Variants in MAPKAP1 observed in about 807,000 individuals in gnomAD.
The protein encoded by MAPKAP1 is target of rapamycin complex 2 subunit MAPKAP1.
A neutral mutation model predicts 65.7 loss-of-function variants in MAPKAP1; 20 were observed. The observed-to-expected ratio is 0.30, with a 90% CI of 0.21 to 0.44. The LOEUF is 0.44. MAPKAP1 is among the 20% of genes least tolerant of loss of function. MAPKAP1 has a pLI of 1.00. For synonymous variants in MAPKAP1, 222 were observed against 244.3 expected (o/e 0.91, Z 0.85); for missense variants, 423 against 648.0 (o/e 0.65, Z 3.77).
intron 10 of MAPKAP1, among the ~76,000 whole-genome samples, chr9:125,463,469 T>C (rs527243462): frequency 6.6e-6 from 1 of 152,358 alleles, no homozygotes; most frequent in African/African-American, 2.4e-5. Flanking sequence ...CAAGTACTTA[T>C]GAAAAGAAAG....
At chr9:125,511,277 G>A (rs998075558) in intron 7 of MAPKAP1, among the ~76,000 whole-genome samples, 1 of 152,134 alleles carries the variant, frequency 6.6e-6, no homozygotes, top group African/African-American at 2.4e-5. Context: ...CCTACTATGT[G>A]ACAAGTGCTG....
intron 1 of MAPKAP1, among the ~76,000 whole-genome samples, chr9:125,701,255 A>AT (rs71492454): frequency 5.3e-5 from 8 of 152,186 alleles, no homozygotes; most frequent in East Asian, 1.9e-4. Flanking sequence ...GGAAAATGTT[A>AT]TTTTTTTGAA....
At chr9:125,706,874 G>T (rs1835779769) in intron 1 of MAPKAP1, 97 bp downstream of exon 1, 1 of 370,888 alleles carries the variant, frequency 2.7e-6, no homozygotes. Flanking sequence ...GCGGCCCGCC[G>T]GGCAGCGCTG....
chr9:125,639,237 T>C (rs762384887), intron 4 of MAPKAP1, among the ~76,000 whole-genome samples: 21 of 151,990 alleles, frequency 1.4e-4, no homozygotes, highest in Admixed American at 1.3e-4. Flanking sequence ...AGAGACTCCA[T>C]CTCAAAAAAA....
At position 125,610,558 on chromosome 9, in the gene MAPKAP1, G is replaced by A. The variant is rs1589338734; in HGVS notation, c.499-24831C>T. Among the ~76,000 whole-genome samples the A allele has an allele frequency of 1.3e-5, 2 of 152,102 alleles. 1 individual carries two copies. Among genetic ancestry groups the A allele is most frequent in the South Asian group, 4.1e-4 (2 of 4,826 alleles). On this transcript the variant is annotated intron_variant, in intron 4 of 11. Transcript: ENST00000265960. ...TCTATCTATAACCTATAATAAGACC[G>A]TGATACCCTCCTCACAACCCACCAC...
chr9:125,460,523 A>G (rs1853455442), intron 10 of MAPKAP1, among the ~76,000 whole-genome samples: 1 of 152,204 alleles, frequency 6.6e-6, no homozygotes, highest in Non-Finnish European at 1.5e-5. Context: ...AACGTCCCCT[A>G]TGAGCAACTC....
At chr9:125,444,656 T>G in intron 10 of MAPKAP1, 58 bp from the exon 11 acceptor site, 1 of 1,163,696 alleles carries the variant, frequency 8.6e-7, no homozygotes, top group Non-Finnish European at 1.3e-6. Context: ...GGCGGGGGCC[T>G]CCATATGTTC....
intron 3 of MAPKAP1, among the ~76,000 whole-genome samples, chr9:125,660,410 C>T (rs1834150501): frequency 6.6e-6 from 1 of 152,124 alleles, no homozygotes; most frequent in Non-Finnish European, 1.5e-5. Context: ...CTGTACATTT[C>T]ACCGAATGTA....
intron 9 of MAPKAP1, among the ~76,000 whole-genome samples, chr9:125,474,130 AG>A (rs1854022272): frequency 6.6e-6 from 1 of 152,142 alleles, no homozygotes; most frequent in African/African-American, 2.4e-5. Flanking sequence ...AGCCACGAGA[AG>A]GAGGTGAATA....
At chr9:125,705,024 T>G (rs1047455226) in intron 1 of MAPKAP1, among the ~76,000 whole-genome samples, 1 of 152,218 alleles carries the variant, frequency 6.6e-6, no homozygotes, top group African/African-American at 2.4e-5. Flanking sequence ...TTCTATAGAC[T>G]GTCTTCTCTG....
At chr9:125,503,193 T>A (rs1829035839) in intron 8 of MAPKAP1, among the ~76,000 whole-genome samples, 1 of 152,220 alleles carries the variant, frequency 6.6e-6, no homozygotes, top group Admixed American at 6.5e-5. Context: ...CTACTACTAC[T>A]AAAGCCTTTA....
At chr9:125,538,614 G>A (rs186659891) in intron 7 of MAPKAP1, among the ~76,000 whole-genome samples, 1 of 152,114 alleles carries the variant, frequency 6.6e-6, no homozygotes, top group East Asian at 1.9e-4. Flanking sequence ...AATATGGTAA[G>A]CCACTGCTTT....
intron 4 of MAPKAP1, among the ~76,000 whole-genome samples, chr9:125,619,131 TCAAAAACA>T (rs1346487042): frequency 6.6e-6 from 1 of 152,058 alleles, no homozygotes; most frequent in Admixed American, 6.6e-5. Flanking sequence ...AGACCCTATC[TCAAAAACA>T]CAAAAACAAA....
rs1853747460 is a variant in MAPKAP1, at chr9:125,468,069, A to G, written c.1248T>C (p.Asn416=). 6.2e-7 allele frequency: 1 copy of G among 1,614,228 alleles called. No homozygotes were observed. The highest frequency in any genetic ancestry group is 1.3e-5 in the African/African-American group (1 of 75,072). Residue 416 remains asparagine, a synonymous_variant, in exon 10 of 12, where the codon AAT becomes AAC. Transcript: ENST00000265960. ...GDKVEIDPVT[N]QKASTKFWIK... ...TCCAAAACTTAGTGCTGGCTTTCTG[A>G]TTCGTAACAGGGTCTATCTCTACTT...
At chr9:125,524,243 TACC>T (rs1383671939) in intron 7 of MAPKAP1, among the ~76,000 whole-genome samples, 1 of 152,184 alleles carries the variant, frequency 6.6e-6, no homozygotes, top group African/African-American at 2.4e-5. Context: ...GGTCAAGCAC[TACC>T]ACCAATTCAT....
chr9:125,630,148 G>A (rs1275391032), intron 4 of MAPKAP1, among the ~76,000 whole-genome samples: 3 of 152,024 alleles, frequency 2.0e-5, no homozygotes, highest in Non-Finnish European at 4.4e-5. Flanking sequence ...CAAGGGTCCA[G>A]GAACTCTCGC....
At chr9:125,563,283 A>G (rs888848081) in intron 5 of MAPKAP1, among the ~76,000 whole-genome samples, 2 of 152,216 alleles carry the variant, frequency 1.3e-5, no homozygotes, top group Non-Finnish European at 2.9e-5. Context: ...AGAGTTTACA[A>G]CACAATGGAA....
Position 125,529,611 on chromosome 9 carries a change from T to C in MAPKAP1, c.958+13448A>G, listed in dbSNP as rs141333203. On this transcript the variant is annotated intron_variant, in intron 7 of 11. Transcript: ENST00000265960. ...TATGTGGTGACAGTTTCCAGGAAGA[T>C]TGAGGAGTTCCAATAGACCACCTTG... 7.2e-3 allele frequency among the ~76,000 whole-genome samples: 1,093 copies of C among 152,328 alleles called. 11 individuals are homozygous for C. The highest frequency in any genetic ancestry group is 0.015 in the Admixed American group (227 of 15,302).
At chr9:125,474,262 T>C (rs1268075187) in intron 9 of MAPKAP1, among the ~76,000 whole-genome samples, 1 of 151,888 alleles carries the variant, frequency 6.6e-6, no homozygotes, top group Admixed American at 6.6e-5. Context: ...TCCCCACAAA[T>C]CCCCCCAGTA....
Sources: gnomAD v4.1 joint callset for allele counts (sites outside exome capture counted in the v4.1 genomes callset) on GRCh38, gnomAD v4.1.1 for gene constraint, MANE v1.5 for transcripts, NCBI Gene and HGNC (gene_info 2026-07-23, HGNC 2026-07-21) for gene names.